Variants in TRAPPC12 observed in about 807,000 individuals in gnomAD.
TRAPPC12 encodes the protein trafficking protein particle complex subunit 12.
TRAPPC12 carries 61 observed loss-of-function variants against 69.2 expected under a neutral mutation model. The observed-to-expected ratio is 0.88, with a 90% CI of 0.72 to 1.09. TRAPPC12 has a LOEUF of 1.09. TRAPPC12 is among the 50% of genes least tolerant of loss of function. The pLI is 0.00. For missense variants in TRAPPC12, 1,101 were observed against 1,016.4 expected (o/e 1.08, Z -1.13); for synonymous variants, 469 against 438.9 (o/e 1.07, Z -0.86).
intron 5 of TRAPPC12, among the ~76,000 whole-genome samples, chr2:3,432,824 C>T (rs987143237): frequency 6.6e-6 from 1 of 152,206 alleles, no homozygotes. Flanking sequence ...GAGACCTCTC[C>T]TTATCCTGTC....
At chr2:3,389,655 G>A (rs1432628282) in intron 2 of TRAPPC12, 1 of 471,144 alleles carries the variant, frequency 2.1e-6, no homozygotes, top group African/African-American at 2.0e-5. Context: ...CGTTGAGTGG[G>A]GCAGCCGAAG....
chr2:3,381,359 C>G (rs1660198511), intron 1 of TRAPPC12, among the ~76,000 whole-genome samples: 1 of 152,062 alleles, frequency 6.6e-6, no homozygotes, highest in South Asian at 2.1e-4. Context: ...ACCTGAGAAA[C>G]CAAGTTTTAA....
chr2:3,465,901 G>C (rs1422247743), intron 9 of TRAPPC12: 5 of 583,902 alleles, frequency 8.6e-6, no homozygotes, highest in Non-Finnish European at 6.1e-6. Context: ...TGTGCCTGTT[G>C]CTAAATGTGA....
chr2:3,468,937 G>A (rs950729932), intron 9 of TRAPPC12, among the ~76,000 whole-genome samples: 1 of 152,040 alleles, frequency 6.6e-6, no homozygotes. Flanking sequence ...GGGGTTGAAC[G>A]GGGACTCGAG....
chr2:3,422,907 C>A (rs546120269), intron 4 of TRAPPC12, among the ~76,000 whole-genome samples: 1 of 152,220 alleles, frequency 6.6e-6, no homozygotes, highest in Non-Finnish European at 1.5e-5. Context: ...CCATAAACTA[C>A]CTCCAAAAAA....
At chr2:3,411,016 G>C (rs554365090) in intron 3 of TRAPPC12, among the ~76,000 whole-genome samples, 6 of 152,126 alleles carry the variant, frequency 3.9e-5, no homozygotes, top group Admixed American at 1.3e-4. Flanking sequence ...GCCACAGAGC[G>C]AGACTCCATC....
At chr2:3,422,719 G>A (rs532693366) in intron 4 of TRAPPC12, among the ~76,000 whole-genome samples, 3 of 152,266 alleles carry the variant, frequency 2.0e-5, no homozygotes, top group East Asian at 3.9e-4. Flanking sequence ...AAGAAGAGCC[G>A]CTCTAGCTTT....
chr2:3,404,787 C>T (rs1044363919), intron 3 of TRAPPC12, among the ~76,000 whole-genome samples: 3 of 149,576 alleles, frequency 2.0e-5, no homozygotes, highest in East Asian at 2.0e-4. Flanking sequence ...AACCCCCAGT[C>T]GGTAAGCTAC....
At chr2:3,462,820 G>GC (rs1558403251) in intron 8 of TRAPPC12, 1 of 443,524 alleles carries the variant, frequency 2.3e-6, no homozygotes, top group Non-Finnish European at 4.8e-6. Context: ...TCCCCCGGGT[G>GC]CCCCTGGGAG....
At chr2:3,463,435 C>T (rs1035601527) in intron 8 of TRAPPC12, among the ~76,000 whole-genome samples, 4 of 151,710 alleles carry the variant, frequency 2.6e-5, no homozygotes, top group Admixed American at 6.6e-5. Flanking sequence ...CCGCGCCTGC[C>T]CCCGGCCTGG....
rs773038601 is a variant in TRAPPC12, at chr2:3,460,352, A to G, written c.1677+16A>G. 12 of 869,028 alleles carry G rather than the reference A, an allele frequency of 1.4e-5. No individual in the cohort carries two copies. The highest frequency in any genetic ancestry group is 2.4e-5 in the East Asian group (1 of 41,622). The allele number at this position is 869,028 out of a possible 1,614,324, so 53.8% of individuals were successfully genotyped here. ...CCTGATGAAGGTACGTGGGTGGCCA[A>G]GCAGGGCTGCCATGTGATCTGGAAG... On this transcript the variant is annotated intron_variant, in intron 8 of 11. Coordinates refer to ENST00000324266, the MANE Select transcript of TRAPPC12 (RefSeq NM_016030.6).
At chr2:3,462,921 G>A (rs1326407375) in intron 8 of TRAPPC12, 4 of 471,132 alleles carry the variant, frequency 8.5e-6, no homozygotes, top group South Asian at 4.6e-5. Context: ...GCACGCAGCT[G>A]CATCAGCTAC....
chr2:3,445,511 A>C (rs1470160684), intron 6 of TRAPPC12, among the ~76,000 whole-genome samples: 1 of 152,242 alleles, frequency 6.6e-6, no homozygotes, highest in African/African-American at 2.4e-5. Flanking sequence ...GGGCACCTGC[A>C]CTTACTCCAC....
intron 10 of TRAPPC12, among the ~76,000 whole-genome samples, chr2:3,478,263 A>G (rs182835513): frequency 1.3e-5 from 2 of 152,384 alleles, no homozygotes; most frequent in Admixed American, 1.3e-4. Context: ...CAGGATCAGA[A>G]AGCGTAAATA....
chr2:3,421,286 G>T (rs1288001761), intron 3 of TRAPPC12, among the ~76,000 whole-genome samples: 1 of 152,196 alleles, frequency 6.6e-6, no homozygotes, highest in Non-Finnish European at 1.5e-5. Context: ...GTACCAGCCA[G>T]CCTTTCCATG....
rs185336590 is a variant in TRAPPC12, at chr2:3,388,778, A to G, written c.1047+108A>G. ...GAAGGAGAAGGCCTTGTTTTCAGTA[A>G]TTCCTAACATCCCATTGTGAGCGCC... is the stretch of plus-strand genomic sequence containing the variant. On this transcript the variant is annotated intron_variant, in intron 2 of 11. Coordinates refer to ENST00000324266, the MANE Select transcript of TRAPPC12 (RefSeq NM_016030.6). 1.1e-3 allele frequency: 1,269 copies of G among 1,125,252 alleles called. 8 individuals are homozygous for G. The African/African-American group carries it at 0.017, about 15-fold the overall frequency. 69.7% of individuals were successfully genotyped at this position (1,125,252 alleles called of 1,614,324 possible). A position where few individuals can be genotyped will look rare whatever the true frequency, so the allele number is the denominator to read the frequency against.
chr2:3,389,576 C>T (rs968934242), intron 2 of TRAPPC12: 61 of 442,948 alleles, frequency 1.4e-4, no homozygotes, highest in Admixed American at 9.2e-4. Flanking sequence ...CTTTTCGACC[C>T]GCATCTGCTG....
intron 2 of TRAPPC12, among the ~76,000 whole-genome samples, chr2:3,394,426 C>G (rs1042138921): frequency 6.6e-6 from 1 of 151,984 alleles, no homozygotes; most frequent in Non-Finnish European, 1.5e-5. Flanking sequence ...ATCGAGACCA[C>G]CCTGGCTAAC....
At chr2:3,447,689 A>G (rs896932542) in intron 6 of TRAPPC12, among the ~76,000 whole-genome samples, 1 of 152,128 alleles carries the variant, frequency 6.6e-6, no homozygotes, top group South Asian at 2.1e-4. Flanking sequence ...ACTATATCAT[A>G]GTGCAAAATC....
Sources: gnomAD v4.1 joint callset for allele counts (sites outside exome capture counted in the v4.1 genomes callset) on GRCh38, gnomAD v4.1.1 for gene constraint, MANE v1.5 for transcripts, NCBI Gene and HGNC (gene_info 2026-07-23, HGNC 2026-07-21) for gene names.